Variants in REST observed in about 807,000 individuals in gnomAD.
The protein encoded by REST is RE1 silencing transcription factor.
In REST, 1 loss-of-function variant was observed where a neutral mutation model predicts 30.4. The ratio of observed to expected loss-of-function variants is 0.03; its 90% CI spans 0.01 to 0.16. The LOEUF is 0.16. Ranked by LOEUF, REST falls within the 10% of genes least tolerant of loss-of-function variation. The pLI is 1.00. For missense variants in REST, 1,259 were observed against 1,329.5 expected (o/e 0.95, Z 0.82); for synonymous variants, 504 against 451.1 (o/e 1.12, Z -1.49).
Position 56,907,966 on chromosome 4 carries a change from G to A in REST, c.-257G>A. The A allele has an allele frequency of 2.8e-6, 1 of 351,296 alleles. No individual in the cohort carries two copies. The highest frequency in any genetic ancestry group is 5.1e-6 in the Non-Finnish European group (1 of 195,896). The allele number at this position is 351,296 out of a possible 1,614,324, so 21.8% of individuals were successfully genotyped here. The stretch of plus-strand genomic sequence containing the variant: ...CGAGCTCGCGGCGCAGCAGCGGAGC[G>A]AGCGCCGCCGAGGCCCGGGGCCCCA... On this transcript the variant is annotated 5_prime_UTR_variant, in exon 1 of 4. Coordinates refer to ENST00000309042, the MANE Select transcript of REST (RefSeq NM_005612.5).
chr4:56,913,492 A>G (rs1720029552), intron 2 of REST, among the ~76,000 whole-genome samples: 1 of 151,898 alleles, frequency 6.6e-6, no homozygotes, highest in East Asian at 1.9e-4. Flanking sequence ...CCAGTACTCT[A>G]CTCTTGGGGT....
chr4:56,928,286 T>C (rs796208281), intron 3 of REST, among the ~76,000 whole-genome samples: 1 of 152,146 alleles, frequency 6.6e-6, no homozygotes, highest in Non-Finnish European at 1.5e-5. Context: ...TTTTGTATTT[T>C]TAGTAGAAAC....
chr4:56,911,513 T>C lies in REST; in HGVS notation c.875T>C (p.Val292Ala). Reference sequence around the variant, plus strand: ...TTTTCAGACAGAAAAAACAATTATGTTCAGCATGTTAGAACTCATACAGGT... The same window carrying C: ...TTTTCAGACAGAAAAAACAATTATGCTCAGCATGTTAGAACTCATACAGGT... ...NYFSDRKNNY[V>A]QHVRTHTGER... Residue 292 changes from valine to alanine, a missense_variant, in exon 2 of 4, where the codon GTT becomes GCT. Around this residue, in one of 5 missense-constraint regions of REST, gnomAD observed 125 missense variants for 255.4 expected, o/e 0.49. Transcript: ENST00000309042. 6.2e-7 allele frequency: 1 copy of C among 1,613,768 alleles called. No individual in the cohort carries two copies. Among genetic ancestry groups the C allele is most frequent in the South Asian group, 1.1e-5 (1 of 91,052 alleles).
rs957563541 is a variant in REST at position 56,934,955 on chromosome 4, C to G, written c.*2803C>G. On this transcript the variant is annotated 3_prime_UTR_variant, in exon 4 of 4. Transcript: ENST00000309042. ...ATATTTTTTCCTCTTTTCAGAGCTG[C>G]TTCTTATTCTGGGGCTACTTTTTTT... 2.0e-5 allele frequency: 3 copies of G among 147,314 alleles called. No homozygotes were observed. The highest frequency in any genetic ancestry group is 3.0e-5 in the Non-Finnish European group (2 of 67,084). 9.1% of individuals were successfully genotyped at this position (147,314 alleles called of 1,614,324 possible).
rs1026884715 is a variant in REST at position 56,934,148 on chromosome 4, A to G, written c.*1996A>G. ...ATTCTAGGCTCCGACAATCATTGTC[A>G]ACAGAAGATCAAGCTGCAAATATTT... is the stretch of plus-strand genomic sequence containing the variant. On this transcript the variant is annotated 3_prime_UTR_variant, in exon 4 of 4. Transcript: ENST00000309042. The G allele has an allele frequency of 6.6e-6, 1 of 152,242 alleles. No individual in the cohort carries two copies. The highest frequency in any genetic ancestry group is 2.4e-5 in the African/African-American group (1 of 41,474). The allele number at this position is 152,242 out of a possible 1,614,324, so 9.4% of individuals were successfully genotyped here. A position where few individuals can be genotyped will look rare whatever the true frequency, so the allele number is the denominator to read the frequency against.
chr4:56,929,024 G>A (rs1339636934), intron 3 of REST, among the ~76,000 whole-genome samples: 4 of 150,876 alleles, frequency 2.7e-5, no homozygotes, highest in Admixed American at 2.0e-4. Context: ...TTTGCCTCCC[G>A]AGTAGCTAGG....
intron 2 of REST, among the ~76,000 whole-genome samples, chr4:56,911,983 T>G (rs1335096199): frequency 1.3e-5 from 2 of 152,098 alleles, no homozygotes; most frequent in Admixed American, 6.6e-5. Flanking sequence ...AAAAAAAAGT[T>G]TGTGTATTTA....
At chr4:56,908,398 G>T (rs1293461302) in intron 1 of REST, among the ~76,000 whole-genome samples, 185 bp downstream of exon 1, 1 of 151,516 alleles carries the variant, frequency 6.6e-6, no homozygotes, top group Non-Finnish European at 1.5e-5. Context: ...GAGCAGGATC[G>T]GGTTACACAG....
chr4:56,929,806 C>T (rs752642898), intron 3 of REST, 35 bp from the exon 4 acceptor site: 8 of 1,553,624 alleles, frequency 5.1e-6, no homozygotes, highest in Non-Finnish European at 6.9e-6. Flanking sequence ...TTGTCTTAAT[C>T]TATGTCTTCT....
Position 56,933,792 on chromosome 4 carries a change from C to G in REST, c.*1640C>G, listed in dbSNP as rs905638732. ...CATTGCAGTAAAATAAAATATGATC[C>G]CATTAGGGAATCTTGAATTCTGACC... On this transcript the variant is annotated 3_prime_UTR_variant, in exon 4 of 4. Transcript: ENST00000309042. 2.0e-5 allele frequency: 3 copies of G among 152,012 alleles called. No individual in the cohort carries two copies. The highest frequency in any genetic ancestry group is 7.2e-5 in the African/African-American group (3 of 41,388). The allele number at this position is 152,012 out of a possible 1,614,324, so 9.4% of individuals were successfully genotyped here. A position where few individuals can be genotyped will look rare whatever the true frequency, so the allele number is the denominator to read the frequency against.
chr4:56,917,176 A>T (rs1424556407), intron 2 of REST, among the ~76,000 whole-genome samples: 2 of 152,188 alleles, frequency 1.3e-5, no homozygotes, highest in Non-Finnish European at 2.9e-5. Flanking sequence ...ACAGAATTCC[A>T]TTAACATAAA....
Position 56,931,096 on chromosome 4 carries a change from G to C in REST, c.2238G>C (p.Gln746His). 4.3e-6 allele frequency: 6 copies of C among 1,385,002 alleles called. No individual in the cohort carries two copies. Among genetic ancestry groups the C allele is most frequent in the Non-Finnish European group, 6.0e-6 (6 of 1,000,930 alleles). The allele number at this position is 1,385,002 out of a possible 1,614,324, so 85.8% of individuals were successfully genotyped here. The change falls in exon 4 of 4, where the codon CAG (glutamine) becomes CAC (histidine). Residue 746 changes from glutamine (Q) to histidine (H), a missense_variant. Transcript: ENST00000309042. ...AGGTGGTCCAGAAGGAGCCTGTTCAGATAGAGCTGTCTCCTCCCATGGAGG... is the reference window on the plus strand; with the variant it reads ...AGGTGGTCCAGAAGGAGCCTGTTCACATAGAGCTGTCTCCTCCCATGGAGG... ...PMEVVQKEPVQIELSPPMEVV... is the reference protein window; with the variant it reads ...PMEVVQKEPVHIELSPPMEVV...
At position 56,931,212 on chromosome 4, in the gene REST, T is replaced by C. The variant is rs140408965; in HGVS notation, c.2354T>C (p.Met785Thr). The C allele has an allele frequency of 1.2e-6, 2 of 1,613,954 alleles. No homozygotes were observed. The highest frequency in any genetic ancestry group is 8.5e-7 in the Non-Finnish European group (1 of 1,179,978). ...GTTCAGATGGAGTTGTCTCCTCCCA[T>C]GGGGGTGGTTCAGAAGGAGCCTGCT... ...EPVQMELSPP[M>T]GVVQKEPAQR... is the part of the protein sequence containing the mutation. The change falls in exon 4 of 4, where the codon ATG becomes ACG. Residue 785 changes from methionine to threonine, a missense_variant. Met to Thr is a moderately conservative substitution (Grantham distance 81). Coordinates refer to ENST00000309042, the MANE Select transcript of REST (RefSeq NM_005612.5).
chr4:56,910,038 A>G (rs1478963363), intron 1 of REST, among the ~76,000 whole-genome samples: 1 of 152,214 alleles, frequency 6.6e-6, no homozygotes, highest in Admixed American at 6.5e-5. Context: ...AGTTGTCGAA[A>G]AATTAAGGGG....
intron 3 of REST, chr4:56,927,659 A>G (rs1268667361): frequency 2.4e-6 from 3 of 1,245,836 alleles, no homozygotes; most frequent in African/African-American, 3.1e-5. Context: ...AGTGTGATCT[A>G]GATGGGTATG....
chr4:56,929,067 T>A (rs1020407658), intron 3 of REST, among the ~76,000 whole-genome samples: 2 of 117,832 alleles, frequency 1.7e-5, no homozygotes, highest in African/African-American at 7.6e-5. Flanking sequence ...CCTGGCTAAT[T>A]TTTTTTTTTT....
intron 3 of REST, among the ~76,000 whole-genome samples, chr4:56,927,337 G>T (rs1355606894): frequency 6.6e-6 from 1 of 152,196 alleles, no homozygotes; most frequent in African/African-American, 2.4e-5. Flanking sequence ...GTAGCATGTT[G>T]TAGAAACTTG....
intron 3 of REST, 117 bp from the exon 4 acceptor site, chr4:56,929,724 G>A: frequency 1.3e-6 from 1 of 787,512 alleles, no homozygotes; most frequent in African/African-American, 1.8e-5. Context: ...AATGTAAGGT[G>A]CATGATACAG....
chr4:56,916,445 T>G (rs992937242), intron 2 of REST, among the ~76,000 whole-genome samples: 1 of 151,958 alleles, frequency 6.6e-6, no homozygotes, highest in African/African-American at 2.4e-5. Flanking sequence ...CACCTGAGGT[T>G]GGGAGTTTGA....
Sources: allele counts gnomAD v4.1 joint callset (sites outside exome capture counted in the v4.1 genomes callset), GRCh38; gene constraint gnomAD v4.1.1; regional missense constraint gnomAD v4.1.1; transcripts MANE v1.5; gene names NCBI Gene and HGNC (gene_info 2026-07-23, HGNC 2026-07-21).